The following DOCK2 variants were observed in gnomAD, a reference collection of about 807,000 sequenced individuals.
DOCK2 encodes dedicator of cytokinesis 2, also known as dedicator of cytokinesis protein 2.
A neutral mutation model predicts 248.9 loss-of-function variants in DOCK2; 87 were observed. The ratio of observed to expected loss-of-function variants is 0.35; its 90% CI spans 0.29 to 0.42. The LOEUF (loss-of-function observed/expected upper bound fraction) is 0.42. DOCK2 is among the 10% of genes least tolerant of loss of function. DOCK2 has a pLI of 1.00. For synonymous variants in DOCK2, 805 were observed against 821.6 expected (o/e 0.98, Z 0.35); for missense variants, 1,747 against 2,300.2 (o/e 0.76, Z 4.92).
At chr5:169,942,655 C>T (rs952316727) in intron 27 of DOCK2, among the ~76,000 whole-genome samples, 2 of 152,164 alleles carry the variant, frequency 1.3e-5, no homozygotes, top group South Asian at 2.1e-4. Context: ...GGATGCAGGG[C>T]GGTCTGGAGT....
At chr5:170,054,301 A>G (rs1041106300) in intron 41 of DOCK2, among the ~76,000 whole-genome samples, 2 of 152,172 alleles carry the variant, frequency 1.3e-5, no homozygotes, top group Non-Finnish European at 2.9e-5. Flanking sequence ...AGAGGGAGGA[A>G]AGACCTTGAA....
chr5:169,651,975 A>G (rs1757832386), intron 1 of DOCK2, among the ~76,000 whole-genome samples: 1 of 152,252 alleles, frequency 6.6e-6, no homozygotes, highest in Non-Finnish European at 1.5e-5. Context: ...TAATAAAAAG[A>G]AAAGTGACTA....
At chr5:169,947,111 C>T (rs1201855245) in intron 27 of DOCK2, among the ~76,000 whole-genome samples, 7 of 152,190 alleles carry the variant, frequency 4.6e-5, no homozygotes, top group Admixed American at 2.0e-4. Flanking sequence ...TCCCTGTTAC[C>T]ATTTTGGAAA....
intron 25 of DOCK2, among the ~76,000 whole-genome samples, chr5:169,773,792 G>T (rs553184276): frequency 6.6e-6 from 1 of 152,236 alleles, no homozygotes; most frequent in African/African-American, 2.4e-5. Flanking sequence ...GTGTGACCTG[G>T]TGGGAGATAA....
At chr5:169,861,061 T>C (rs1483669315) in intron 27 of DOCK2, among the ~76,000 whole-genome samples, 1 of 152,210 alleles carries the variant, frequency 6.6e-6, no homozygotes, top group Non-Finnish European at 1.5e-5. Flanking sequence ...TGTACATCCA[T>C]GGAATGAGGC....
chr5:169,904,772 T>C (rs941767061), intron 27 of DOCK2, among the ~76,000 whole-genome samples: 1 of 152,144 alleles, frequency 6.6e-6, no homozygotes, highest in Admixed American at 6.5e-5. Context: ...AGTGACACTG[T>C]ATGGAGCTAA....
intron 45 of DOCK2, among the ~76,000 whole-genome samples, 162 bp from the exon 46 acceptor site, chr5:170,068,975 A>G (rs935444598): frequency 3.3e-5 from 5 of 152,202 alleles, no homozygotes; most frequent in Non-Finnish European, 7.3e-5. Flanking sequence ...CAAAGCAGAT[A>G]AAACAATGTC....
chr5:169,858,861 A>T (rs1771027988), intron 27 of DOCK2, among the ~76,000 whole-genome samples: 1 of 152,084 alleles, frequency 6.6e-6, no homozygotes, highest in Admixed American at 6.6e-5. Flanking sequence ...TTTTAAAAAA[A>T]ACATTAGTGG....
chr5:169,691,759 T>TTGAGCCTCTC (rs1259906367), intron 9 of DOCK2, among the ~76,000 whole-genome samples: 13 of 152,336 alleles, frequency 8.5e-5, no homozygotes, highest in African/African-American at 1.2e-4. Flanking sequence ...TTCCAGATCT[T>TTGAGCCTCTC]TGAGCCTCTC....
intron 38 of DOCK2, among the ~76,000 whole-genome samples, chr5:170,044,508 T>C (rs1409182672): frequency 6.6e-6 from 1 of 152,080 alleles, no homozygotes; most frequent in African/African-American, 2.4e-5. Context: ...GCGTTTCTTT[T>C]CCCTGTTCAC....
intron 27 of DOCK2, among the ~76,000 whole-genome samples, chr5:169,911,113 T>G (rs1298750156): frequency 6.6e-6 from 1 of 152,232 alleles, no homozygotes; most frequent in Non-Finnish European, 1.5e-5. Flanking sequence ...TTTTCTAGGT[T>G]TATTTCTTCA....
At chr5:169,868,018 C>T (rs550462722) in intron 27 of DOCK2, among the ~76,000 whole-genome samples, 1 of 152,298 alleles carries the variant, frequency 6.6e-6, no homozygotes, top group African/African-American at 2.4e-5. Context: ...CCCTGCCCTC[C>T]CTACTGTGAC....
rs761361714 is a variant in DOCK2 at position 169,674,429 on chromosome 5, A to G, written c.454A>G (p.Ile152Val). Residue 152 changes from isoleucine to valine, a missense_variant, in exon 6 of 52, where the codon ATT (isoleucine) becomes GTT (valine). Physicochemically the swap from Ile to Val is conservative, Grantham distance 29. This residue lies in a region of DOCK2 where 375 missense variants were observed against 510.9 expected (regional missense o/e 0.73). Transcript: ENST00000520908. The part of the protein sequence containing the change: ...KELKQKVTSK[I>V]DYGNKILELD... Reference sequence around the variant, plus strand: ...ACTGAAGCAGAAAGTCACGTCCAAAATTGACTATGGCAACAAGTAACCTCT... The same window carrying G: ...ACTGAAGCAGAAAGTCACGTCCAAAGTTGACTATGGCAACAAGTAACCTCT... 4.2e-5 allele frequency: 68 copies of G among 1,613,998 alleles called. 1 individual carries two copies. The South Asian group carries it at 7.1e-4, about 17-fold the overall frequency.
At chr5:169,925,449 G>A (rs907812282) in intron 27 of DOCK2, among the ~76,000 whole-genome samples, 19 of 151,966 alleles carry the variant, frequency 1.3e-4, no homozygotes, top group African/African-American at 4.6e-4. Context: ...GCGTGGTGTT[G>A]TGCACCTGTA....
rs1759740990 is a variant in DOCK2, at chr5:169,682,803, C to T, written c.606+924C>T. On this transcript the variant is annotated intron_variant, in intron 7 of 51. Transcript: ENST00000520908. ...ATCACCCTAAAAGTTTCTTTGTGCT[C>T]CTTCTCCAGCCCCAAGCCCCGTGCA... Among the ~76,000 whole-genome samples, 4 of 152,132 alleles carry T rather than the reference C, an allele frequency of 2.6e-5. 1 individual carries two copies. In the South Asian group the frequency reaches 8.3e-4, roughly 32 times the overall value.
chr5:169,730,638 G>T (rs1312164871), intron 22 of DOCK2, among the ~76,000 whole-genome samples: 5 of 152,088 alleles, frequency 3.3e-5, no homozygotes, highest in African/African-American at 7.3e-5. Context: ...AGATATATAG[G>T]ACATAAACTG....
chr5:170,065,958 T>TTTG (rs910609473), intron 44 of DOCK2, among the ~76,000 whole-genome samples: 7 of 151,022 alleles, frequency 4.6e-5, no homozygotes, highest in African/African-American at 1.7e-4. Flanking sequence ...AAACTGTTTT[T>TTTG]TTTTTTTTTT....
At chr5:170,015,817 C>G (rs963062160) in intron 32 of DOCK2, among the ~76,000 whole-genome samples, 2 of 151,140 alleles carry the variant, frequency 1.3e-5, no homozygotes, top group African/African-American at 4.9e-5. Flanking sequence ...TCCCTCCCTC[C>G]CTCCTTTTCT....
intron 27 of DOCK2, among the ~76,000 whole-genome samples, chr5:169,905,652 G>T (rs1774234232): frequency 6.6e-6 from 1 of 152,182 alleles, no homozygotes; most frequent in Non-Finnish European, 1.5e-5. Flanking sequence ...TGTGGGGTAG[G>T]CAGGGACTGG....
Sources: allele counts gnomAD v4.1 joint callset (sites outside exome capture counted in the v4.1 genomes callset), GRCh38; gene constraint gnomAD v4.1.1; regional missense constraint gnomAD v4.1.1; transcripts MANE v1.5; gene names NCBI Gene and HGNC (gene_info 2026-07-23, HGNC 2026-07-21).